Variants in EFCAB8 observed in about 807,000 individuals in gnomAD.
EFCAB8 encodes EF-hand calcium binding domain 8.
A neutral mutation model predicts 116.3 loss-of-function variants in EFCAB8; 100 were observed. That is an observed-to-expected ratio of 0.86 (90% CI 0.73 to 1.02). EFCAB8 has a LOEUF of 1.02. Ranked by LOEUF, EFCAB8 falls within the 50% of genes least tolerant of loss-of-function variation. The pLI is 0.00. For synonymous variants in EFCAB8, 558 were observed against 567.9 expected (o/e 0.98, Z 0.25); for missense variants, 1,320 against 1,416.9 (o/e 0.93, Z 1.10).
At chr20:32,891,908 A>T (rs972545086) in intron 7 of EFCAB8, among the ~76,000 whole-genome samples, 1 of 151,802 alleles carries the variant, frequency 6.6e-6, no homozygotes, top group Non-Finnish European at 1.5e-5. Context: ...TGCTCACTGC[A>T]GTCTCAAACT....
At chr20:32,877,591 T>A (rs1323598979) in intron 4 of EFCAB8, among the ~76,000 whole-genome samples, 1 of 152,238 alleles carries the variant, frequency 6.6e-6, no homozygotes, top group Non-Finnish European at 1.5e-5. Flanking sequence ...TAAAAAGCAA[T>A]TTAACCCCCT....
intron 2 of EFCAB8, among the ~76,000 whole-genome samples, chr20:32,865,740 AGTGAGC>A (rs1984362629): frequency 6.6e-6 from 1 of 151,496 alleles, no homozygotes; most frequent in Non-Finnish European, 1.5e-5. Context: ...CAGAGGTTGC[AGTGAGC>A]TGAGATCGCA....
intron 16 of EFCAB8, 145 bp from the exon 17 acceptor site, chr20:32,912,649 A>G: frequency 1.5e-6 from 1 of 672,564 alleles, no homozygotes; most frequent in South Asian, 1.6e-5. Flanking sequence ...GAACATGATG[A>G]CAAATACATG....
rs1392171006 is a variant in EFCAB8 at position 32,881,184 on chromosome 20, T to C, written c.431+2377T>C. ...CTGGAATCATTGAGCTAAGAGACAA[T>C]GTCATCTCTCTTTTCTTTTTTTCTT... On this transcript the variant is annotated intron_variant, in intron 5 of 26. Coordinates refer to ENST00000400522, the MANE Select transcript of EFCAB8 (RefSeq NM_001143967.2). Among the ~76,000 whole-genome samples, 4 of 152,122 alleles carry C rather than the reference T, an allele frequency of 2.6e-5. No individual in the cohort carries two copies. In the South Asian group the frequency reaches 8.3e-4, roughly 31 times the overall value.
chr20:32,919,248 C>A (rs1987339896), intron 19 of EFCAB8, among the ~76,000 whole-genome samples: 1 of 152,190 alleles, frequency 6.6e-6, no homozygotes, highest in Non-Finnish European at 1.5e-5. Flanking sequence ...TAGTCAAAAT[C>A]TGATTTCCAT....
intron 6 of EFCAB8, among the ~76,000 whole-genome samples, chr20:32,887,499 C>A (rs1228392839): frequency 6.6e-6 from 1 of 152,156 alleles, no homozygotes. Context: ...TCACTGGAAC[C>A]CGGAGGCAGA....
chr20:32,875,502 G>GGTTTTTTTTTTTTTTTTTTTTTT (rs1984916244), intron 3 of EFCAB8, among the ~76,000 whole-genome samples: 1 of 89,890 alleles, frequency 1.1e-5, no homozygotes, highest in Non-Finnish European at 2.6e-5. Flanking sequence ...AAACATGGTG[G>GGTTTTTTTTTTTTTTTTTTTTTT]TTTTTTTTTT....
At chr20:32,933,023 T>G (rs950858737) in intron 22 of EFCAB8, among the ~76,000 whole-genome samples, 9 of 152,254 alleles carry the variant, frequency 5.9e-5, no homozygotes, top group African/African-American at 2.2e-4. Context: ...AATATTTATT[T>G]ACTGCTTGCA....
intron 7 of EFCAB8, among the ~76,000 whole-genome samples, chr20:32,890,046 G>C (rs544046236): frequency 4.8e-4 from 72 of 149,794 alleles, no homozygotes; most frequent in African/African-American, 1.7e-3. Flanking sequence ...GCGCTTCCCT[G>C]ATGCCCCCAA....
At position 32,892,193 on chromosome 20, in the gene EFCAB8, G is replaced by A. The variant is rs1985952519; in HGVS notation, c.674-20G>A. ...CAGGCATGGCTGTGGGCTCTATGTG[G>A]CCTTCTGTCTTTCCCCCAGATTTCT... On this transcript the variant is annotated intron_variant, in intron 7 of 26. Transcript: ENST00000400522. 1 of 1,549,594 alleles carries A rather than the reference G, an allele frequency of 6.5e-7. No homozygotes were observed. Among genetic ancestry groups the A allele is most frequent in the Non-Finnish European group, 8.7e-7 (1 of 1,145,104 alleles).
At position 32,930,377 on chromosome 20, in the gene EFCAB8, G is replaced by A. The variant is rs367685749; in HGVS notation, c.2413-21G>A. 5.8e-5 allele frequency: 89 copies of A among 1,543,918 alleles called. No individual in the cohort carries two copies. The African/African-American group carries it at 6.8e-4, about 12-fold the overall frequency. ...CAGTGGCTCACAGCCCTGCTGAGCC[G>A]GGCCCTCCTCTCTTCCTCAGATAAT... On this transcript the variant is annotated intron_variant, in intron 20 of 26. Transcript: ENST00000400522.
Position 32,898,691 on chromosome 20 carries a change from G to A in EFCAB8, c.1088+68G>A, listed in dbSNP as rs1986283138. 3 of 695,966 alleles carry A rather than the reference G, an allele frequency of 4.3e-6. No individual in the cohort carries two copies. In the South Asian group the frequency reaches 4.6e-5, roughly 11 times the overall value. 43.1% of individuals were successfully genotyped at this position (695,966 alleles called of 1,614,324 possible). A position where few individuals can be genotyped will look rare whatever the true frequency, so the allele number is the denominator to read the frequency against. On this transcript the variant is annotated intron_variant, in intron 11 of 26. Transcript: ENST00000400522. ...GGGAGGGGGGTGGTGAGTGGACCAT[G>A]GGGGCTGACAGTGGCAGATGGTGGT...
At position 32,941,800 on chromosome 20, in the gene EFCAB8, T is replaced by C. The variant is rs1281296567; in HGVS notation, c.2791-1836T>C. 3.9e-5 allele frequency among the ~76,000 whole-genome samples: 6 copies of C among 152,204 alleles called. No individual in the cohort carries two copies. The East Asian group carries it at 1.2e-3, about 29-fold the overall frequency. ...TAGAATGTGGTGGTGGTTGCACAGC[T>C]CTGAAAATACTAAAAACCATTGAAT... is the stretch of plus-strand genomic sequence containing the variant. On this transcript the variant is annotated intron_variant, in intron 22 of 26. Transcript: ENST00000400522.
intron 22 of EFCAB8, among the ~76,000 whole-genome samples, chr20:32,937,552 A>G (rs903476002): frequency 5.9e-5 from 9 of 152,224 alleles, no homozygotes; most frequent in Admixed American, 5.2e-4. Context: ...TTAGTAATAA[A>G]ATTTCCCACA....
At chr20:32,914,020 C>A (rs1987068220) in intron 17 of EFCAB8, among the ~76,000 whole-genome samples, 1 of 152,236 alleles carries the variant, frequency 6.6e-6, no homozygotes. Flanking sequence ...CTGGGCCCTG[C>A]CCCTGTGGCA....
rs1169089130 is a variant in EFCAB8, at chr20:32,955,905, G to A, written c.2960-2516G>A. ...CCTCTTTTAAACAATGTATAATTGA[G>A]TCTTATTTTTTTCATCCTGTCTGAC... On this transcript the variant is annotated intron_variant, in intron 23 of 26. Coordinates refer to ENST00000400522, the MANE Select transcript of EFCAB8 (RefSeq NM_001143967.2). 2.6e-5 allele frequency among the ~76,000 whole-genome samples: 4 copies of A among 152,226 alleles called. No individual in the cohort carries two copies. In the East Asian group the frequency reaches 7.7e-4, roughly 29 times the overall value.
Position 32,906,609 on chromosome 20 carries a change from G to T in EFCAB8, c.1136G>T (p.Cys379Phe). 1 of 718,392 alleles carries T rather than the reference G, an allele frequency of 1.4e-6. No individual in the cohort carries two copies. Among genetic ancestry groups the T allele is most frequent in the Non-Finnish European group, 2.6e-6 (1 of 385,084 alleles). 44.5% of individuals were successfully genotyped at this position (718,392 alleles called of 1,614,324 possible). A position where few individuals can be genotyped will look rare whatever the true frequency, so the allele number is the denominator to read the frequency against. ...LRKGILCFDY[C>F]PDRNFLVTGG... is the part of the protein sequence containing the mutation. ...AAAGGGATTCTTTGCTTTGATTACT[G>T]CCCAGACAGGAACTTCCTGGGTAAG... Residue 379 changes from cysteine (C) to phenylalanine (F), a missense_variant, in exon 12 of 27, where the codon TGC becomes TTC. Transcript: ENST00000400522.
intron 23 of EFCAB8, among the ~76,000 whole-genome samples, chr20:32,947,233 C>T (rs1475510409): frequency 6.6e-6 from 1 of 152,150 alleles, no homozygotes; most frequent in Non-Finnish European, 1.5e-5. Context: ...GGTGTTTGAT[C>T]TGTTATTATT....
intron 2 of EFCAB8, among the ~76,000 whole-genome samples, chr20:32,864,569 A>T (rs1375545931): frequency 1.3e-5 from 2 of 152,148 alleles, no homozygotes; most frequent in Non-Finnish European, 2.9e-5. Context: ...CAACAGAGCG[A>T]GACCCTGTCT....
Sources: allele counts gnomAD v4.1 joint callset (sites outside exome capture counted in the v4.1 genomes callset), GRCh38; gene constraint gnomAD v4.1.1; transcripts MANE v1.5; gene names NCBI Gene and HGNC (gene_info 2026-07-23, HGNC 2026-07-21).